The following WDR72 variants were observed in gnomAD, a reference collection of about 807,000 sequenced individuals.
WDR72 encodes the protein WD repeat-containing protein 72.
WDR72 carries 120 observed loss-of-function variants against 124.2 expected under a neutral mutation model. The ratio of observed to expected loss-of-function variants is 0.97; its 90% CI spans 0.83 to 1.12. The LOEUF (loss-of-function observed/expected upper bound fraction) is 1.12. WDR72 is among the 50% of genes most tolerant of loss of function. WDR72 has a pLI of 0.00. For synonymous variants in WDR72, 452 were observed against 441.7 expected, an observed-to-expected ratio of 1.02 and a Z score of -0.29; for missense variants, 1,387 against 1,278.8, an observed-to-expected ratio of 1.08 and a Z score of -1.29.
chr15:53,675,673 A>G (rs996714958), intron 13 of WDR72, among the ~76,000 whole-genome samples: 2 of 152,194 alleles, frequency 1.3e-5, no homozygotes, highest in Non-Finnish European at 2.9e-5. Context: ...CTTATTGGGT[A>G]TAATATCCTT....
chr15:53,517,542 A>T lies in WDR72; in HGVS notation c.*157T>A. ...TATTGCATTGTAATCAGCATGTATT[A>T]AAATCACTTTAATACATGTTGGCTA... On this transcript the variant is annotated 3_prime_UTR_variant, in exon 20 of 20. Coordinates refer to ENST00000360509, the MANE Select transcript of WDR72 (RefSeq NM_182758.4). 3 of 742,360 alleles carry T rather than the reference A, an allele frequency of 4.0e-6. No homozygotes were observed. Among genetic ancestry groups the T allele is most frequent in the Non-Finnish European group, 4.8e-6 (2 of 418,982 alleles). The allele number at this position is 742,360 out of a possible 1,614,324, so 46.0% of individuals were successfully genotyped here.
At chr15:53,683,111 T>C (rs984752657) in intron 13 of WDR72, among the ~76,000 whole-genome samples, 5 of 152,132 alleles carry the variant, frequency 3.3e-5, no homozygotes, top group Admixed American at 2.6e-4. Flanking sequence ...GAGAACAGTA[T>C]GGAGGAAATT....
intron 13 of WDR72, among the ~76,000 whole-genome samples, chr15:53,674,936 A>C (rs1416738127): frequency 6.6e-6 from 1 of 152,100 alleles, no homozygotes; most frequent in Non-Finnish European, 1.5e-5. Flanking sequence ...GGCGGGGGAC[A>C]ATTGAAAGAA....
chr15:53,622,808 A>AATAAG (rs1032244563), intron 14 of WDR72, among the ~76,000 whole-genome samples: 3 of 152,038 alleles, frequency 2.0e-5, no homozygotes, highest in African/African-American at 7.3e-5. Context: ...ACTAAAATAA[A>AATAAG]GGGCCCTAGG....
intron 6 of WDR72, among the ~76,000 whole-genome samples, chr15:53,713,989 T>C (rs2017629979): frequency 6.6e-6 from 1 of 152,156 alleles, no homozygotes; most frequent in Admixed American, 6.5e-5. Context: ...GGCTGTTCTT[T>C]TGTCCATCAT....
chr15:53,657,581 C>T (rs2015473927), intron 14 of WDR72, among the ~76,000 whole-genome samples: 1 of 151,904 alleles, frequency 6.6e-6, no homozygotes, highest in African/African-American at 2.4e-5. Context: ...GTATTTAATC[C>T]AAGAAGAAAG....
intron 9 of WDR72, among the ~76,000 whole-genome samples, chr15:53,710,409 T>C (rs77593734): frequency 0.27 from 40,389 of 147,882 alleles, 5,771 homozygotes; most frequent in East Asian, 0.47. Context: ...AAAGTAAATA[T>C]AGCAAAATGT....
At position 53,616,106 on chromosome 15, in the gene WDR72, A is replaced by G. The variant is rs775844848; in HGVS notation, c.2100T>C (p.Asp700=). The G allele has an allele frequency of 6.2e-6, 10 of 1,604,858 alleles. No homozygotes were observed. In the African/African-American group the frequency reaches 1.2e-4, roughly 19 times the overall value. Residue 700 remains aspartate, a synonymous_variant, in exon 15 of 20, where the codon GAT becomes GAC. Transcript: ENST00000360509. ...VELLLPTPLS[D]VDSSSSFYGG... ...CATAGAATGAACTGGAAGAGTCAAC[A>G]TCACTGAGTGGAGTTGGTAGCAAAA...
At chr15:53,727,266 G>T (rs1405431985) in intron 2 of WDR72, among the ~76,000 whole-genome samples, 1 of 150,076 alleles carries the variant, frequency 6.7e-6, no homozygotes, top group Non-Finnish European at 1.5e-5. Context: ...AATTTGAATG[G>T]CTAGCAAATG....
At position 53,628,026 on chromosome 15, in the gene WDR72, T is replaced by C. The variant is rs937059788; in HGVS notation, c.1963-11783A>G. On this transcript the variant is annotated intron_variant, in intron 14 of 19. Coordinates refer to ENST00000360509, the MANE Select transcript of WDR72 (RefSeq NM_182758.4). ...CTTCTACTCATAGCAACTGAGATACTTACTTTCTGGTAATTTTAATTCTCT... is the reference window on the plus strand; with the variant it reads ...CTTCTACTCATAGCAACTGAGATACCTACTTTCTGGTAATTTTAATTCTCT... Among the ~76,000 whole-genome samples the C allele has an allele frequency of 2.0e-5, 3 of 152,204 alleles. No homozygotes were observed. In the East Asian group the frequency reaches 5.8e-4, roughly 29 times the overall value.
rs867695726 is a variant in WDR72 at position 53,523,272 on chromosome 15, G to T, written c.3199C>A (p.Gln1067Lys). The T allele has an allele frequency of 6.2e-7, 1 of 1,613,070 alleles. No homozygotes were observed. ...CTGTCAGGCATGTCCTCCACGTCTT[G>T]GAAGTTTGCCGAGTTTGAGTTGCTG... ...HDSNSNSANF[Q>K]DVEDMPDRCA... The change falls in exon 19 of 20, where the codon CAA becomes AAA. Residue 1067 changes from glutamine to lysine, a missense_variant. By Grantham distance (53) the Gln-to-Lys change is moderately conservative. Coordinates refer to ENST00000360509, the MANE Select transcript of WDR72 (RefSeq NM_182758.4).
intron 10 of WDR72, 77 bp downstream of exon 10, chr15:53,705,850 C>T: frequency 3.8e-6 from 6 of 1,578,310 alleles, no homozygotes; most frequent in Non-Finnish European, 5.2e-6. Context: ...TCCCATGCTG[C>T]TCAACTTAGA....
rs556838609 is a variant in WDR72, at chr15:53,613,959, T to TTATC, written c.2781-203_2781-202insGATA. On this transcript the variant is annotated intron_variant, in intron 15 of 19. Coordinates refer to ENST00000360509, the MANE Select transcript of WDR72 (RefSeq NM_182758.4). ...CCCACCTAAAATCTTATTTATTTAT[T>TTATC]TTTTTAGGCTCCCACCTAAAATCTT... 2.7e-3 allele frequency among the ~76,000 whole-genome samples: 403 copies of TTATC among 151,282 alleles called. 6 individuals carry two copies. The highest frequency in any genetic ancestry group is 9.3e-3 in the African/African-American group (384 of 41,162).
intron 14 of WDR72, among the ~76,000 whole-genome samples, chr15:53,646,397 GGTAA>G (rs2015043677): frequency 6.6e-6 from 1 of 151,968 alleles, no homozygotes; most frequent in Admixed American, 6.6e-5. Context: ...TTCAGTTGCA[GGTAA>G]GTGAGAAATA....
At chr15:53,680,148 TTC>T (rs1308748570) in intron 13 of WDR72, among the ~76,000 whole-genome samples, 3 of 152,192 alleles carry the variant, frequency 2.0e-5, no homozygotes. Context: ...ACCAGAAATA[TTC>T]TCTGAGATAA....
intron 3 of WDR72, among the ~76,000 whole-genome samples, chr15:53,721,884 C>T (rs1329415142): frequency 6.6e-6 from 1 of 152,092 alleles, no homozygotes; most frequent in Non-Finnish European, 1.5e-5. Context: ...GAACTTTTTC[C>T]TACAGGTAAG....
intron 17 of WDR72, among the ~76,000 whole-genome samples, chr15:53,603,002 C>T (rs1270224337): frequency 6.6e-6 from 1 of 152,098 alleles, no homozygotes; most frequent in Non-Finnish European, 1.5e-5. Context: ...CCAGCATCAT[C>T]CTGATACAAA....
chr15:53,760,473 A>T (rs191932055), upstream of WDR72, among the ~76,000 whole-genome samples: 1,139 of 152,162 alleles, frequency 7.5e-3, 7 homozygotes, highest in Non-Finnish European at 0.013. Context: ...TAACATAATG[A>T]TCTCCAGTTC....
At chr15:53,627,759 C>G (rs2014268715) in intron 14 of WDR72, among the ~76,000 whole-genome samples, 1 of 151,926 alleles carries the variant, frequency 6.6e-6, no homozygotes, top group South Asian at 2.1e-4. Flanking sequence ...AAAAAAAACA[C>G]ACAAAACTCA....
Sources: gnomAD v4.1 joint callset for allele counts (sites outside exome capture counted in the v4.1 genomes callset) on GRCh38, gnomAD v4.1.1 for gene constraint, MANE v1.5 for transcripts, NCBI Gene and HGNC (gene_info 2026-07-23, HGNC 2026-07-21) for gene names.